The following NRXN3 variants were observed in gnomAD, a reference collection of about 807,000 sequenced individuals.
NRXN3 encodes the protein neurexin 3.
A neutral mutation model predicts 137.6 loss-of-function variants in NRXN3; 32 were observed. The observed-to-expected ratio is 0.23, with a 90% CI of 0.18 to 0.31. The LOEUF (loss-of-function observed/expected upper bound fraction) is 0.31. Among genes scored for constraint, NRXN3 ranks in the 10% least tolerant of loss-of-function variants. NRXN3 has a pLI of 1.00. For missense variants in NRXN3, 1,574 were observed against 2,062.5 expected (o/e 0.76, Z 4.59); for synonymous variants, 798 against 784.5 (o/e 1.02, Z -0.29).
chr14:79,536,342 A>G (rs1415769378), intron 16 of NRXN3, among the ~76,000 whole-genome samples: 1 of 152,158 alleles, frequency 6.6e-6, no homozygotes, highest in Admixed American at 6.5e-5. Flanking sequence ...GGATGAGTGA[A>G]AATCATGGAG....
chr14:79,460,388 T>G (rs2096316500), intron 15 of NRXN3, among the ~76,000 whole-genome samples: 2 of 152,116 alleles, frequency 1.3e-5, no homozygotes. Flanking sequence ...GTGGTAGACT[T>G]TTTTTTATTC....
At chr14:79,602,088 T>C (rs2097930220) in intron 16 of NRXN3, among the ~76,000 whole-genome samples, 1 of 152,232 alleles carries the variant, frequency 6.6e-6, no homozygotes, top group South Asian at 2.1e-4. Flanking sequence ...ACAACATACC[T>C]GTAAGATATT....
chr14:79,612,472 G>C (rs2098114968), intron 16 of NRXN3, among the ~76,000 whole-genome samples: 1 of 152,190 alleles, frequency 6.6e-6, no homozygotes, highest in Non-Finnish European at 1.5e-5. Context: ...GTGGCAAACT[G>C]ATGGAAAGTG....
intron 10 of NRXN3, among the ~76,000 whole-genome samples, chr14:78,919,269 G>C (rs1290336246): frequency 6.6e-6 from 1 of 152,072 alleles, no homozygotes; most frequent in African/African-American, 2.4e-5. Context: ...GTATGGTGTT[G>C]CTTTTTTCAA....
At chr14:78,235,692 A>C (rs1034975167) in intron 1 of NRXN3, among the ~76,000 whole-genome samples, 1 of 152,142 alleles carries the variant, frequency 6.6e-6, no homozygotes, top group African/African-American at 2.4e-5. Flanking sequence ...ATAAACTTCA[A>C]ATGCTCTTTT....
intron 19 of NRXN3, among the ~76,000 whole-genome samples, chr14:79,723,580 A>G (rs935509762): frequency 6.6e-6 from 1 of 152,032 alleles, no homozygotes; most frequent in Admixed American, 6.6e-5. Flanking sequence ...CCAAGTCTCC[A>G]TTCTCACTCT....
At chr14:78,500,520 A>T (rs2095860162) in intron 4 of NRXN3, among the ~76,000 whole-genome samples, 2 of 152,156 alleles carry the variant, frequency 1.3e-5, no homozygotes, top group African/African-American at 4.8e-5. Flanking sequence ...GGGGATGATT[A>T]GTCCTCCATT....
chr14:78,491,591 T>G (rs1276772692), intron 4 of NRXN3, among the ~76,000 whole-genome samples: 1 of 152,162 alleles, frequency 6.6e-6, no homozygotes, highest in Non-Finnish European at 1.5e-5. Flanking sequence ...CAACTACATA[T>G]ACGCAAATAT....
rs567201196 is a variant in NRXN3 at position 78,451,853 on chromosome 14, G to A, written c.757+153993G>A. 3.3e-5 allele frequency among the ~76,000 whole-genome samples: 5 copies of A among 152,322 alleles called. No homozygotes were observed. In the East Asian group the frequency reaches 5.8e-4, roughly 18 times the overall value. ...TTCTTCAGACCAGCCTTATTTGCAGGCGTTAGAATGGGATTATGTGCTAGA... is the reference window on the plus strand; with the variant it reads ...TTCTTCAGACCAGCCTTATTTGCAGACGTTAGAATGGGATTATGTGCTAGA... On this transcript the variant is annotated intron_variant, in intron 4 of 20. Coordinates refer to ENST00000335750, the MANE Select transcript of NRXN3 (RefSeq NM_001330195.2).
intron 2 of NRXN3, among the ~76,000 whole-genome samples, chr14:78,258,993 G>A (rs8181919): frequency 5.9e-5 from 9 of 151,924 alleles, no homozygotes; most frequent in Admixed American, 1.3e-4. Flanking sequence ...TTAGCTGGGC[G>A]TGGTGGCGGG....
chr14:79,232,261 C>CGTGT (rs372668876), intron 15 of NRXN3, among the ~76,000 whole-genome samples: 9 of 151,226 alleles, frequency 6.0e-5, no homozygotes, highest in Admixed American at 5.9e-4. Context: ...TGCGCGCGCA[C>CGTGT]GTGTGTGTGT....
intron 4 of NRXN3, among the ~76,000 whole-genome samples, chr14:78,621,588 T>G (rs1182387332): frequency 6.6e-6 from 1 of 151,784 alleles, no homozygotes; most frequent in Non-Finnish European, 1.5e-5. Flanking sequence ...TAAATCAACA[T>G]TTCCCTCAGA....
intron 8 of NRXN3, among the ~76,000 whole-genome samples, chr14:78,728,784 C>T (rs1047195781): frequency 3.3e-5 from 5 of 152,124 alleles, no homozygotes; most frequent in African/African-American, 9.7e-5. Context: ...CCTGTAATCC[C>T]ACTTCTCAGG....
At chr14:79,352,079 G>C (rs1156696982) in intron 15 of NRXN3, among the ~76,000 whole-genome samples, 1 of 152,168 alleles carries the variant, frequency 6.6e-6, no homozygotes, top group Non-Finnish European at 1.5e-5. Flanking sequence ...TATTGATGTT[G>C]GTTGCAAATA....
chr14:78,901,420 G>A (rs1260352529), intron 10 of NRXN3, among the ~76,000 whole-genome samples: 1 of 151,858 alleles, frequency 6.6e-6, no homozygotes, highest in Non-Finnish European at 1.5e-5. Flanking sequence ...GGAGAACTTA[G>A]GAATTTTTCA....
intron 16 of NRXN3, among the ~76,000 whole-genome samples, chr14:79,552,588 T>G (rs2097384097): frequency 1.3e-5 from 2 of 152,028 alleles, no homozygotes; most frequent in African/African-American, 4.8e-5. Flanking sequence ...AAAGGCCAGA[T>G]AGTTGAAGGT....
chr14:79,806,960 ATATTTTTTTTTTTTTT>A (rs1291537551), intron 20 of NRXN3, among the ~76,000 whole-genome samples: 1 of 51,806 alleles, frequency 1.9e-5, no homozygotes, highest in Non-Finnish European at 3.2e-5. Context: ...ATATATATAT[ATATTTTTTTTTTTTTT>A]TTTTTTTTTT....
chr14:79,547,089 C>A (rs541435250), intron 16 of NRXN3, among the ~76,000 whole-genome samples: 1 of 152,168 alleles, frequency 6.6e-6, no homozygotes, highest in Non-Finnish European at 1.5e-5. Flanking sequence ...CTCCTATAGA[C>A]CAAGCCCTGT....
intron 2 of NRXN3, chr14:78,250,067 AC>A: frequency 1.9e-6 from 1 of 515,958 alleles, no homozygotes; most frequent in Non-Finnish European, 3.9e-6. Context: ...ACCACTCTTG[AC>A]ATGCGATTAT....
Sources: allele counts gnomAD v4.1 joint callset (sites outside exome capture counted in the v4.1 genomes callset), GRCh38; gene constraint gnomAD v4.1.1; transcripts MANE v1.5; gene names NCBI Gene and HGNC (gene_info 2026-07-23, HGNC 2026-07-21).